LMF1: variants seen among roughly 807,000 people sequenced by gnomAD.
LMF1 encodes transmembrane protein 112.
LMF1 carries 68 observed loss-of-function variants against 60.6 expected under a neutral mutation model. The ratio of observed to expected loss-of-function variants is 1.12; its 90% CI spans 0.92 to 1.37. The LOEUF (loss-of-function observed/expected upper bound fraction) is 1.37. Among genes scored for constraint, LMF1 ranks in the 40% most tolerant of loss-of-function variants. The pLI is 0.00. For missense variants in LMF1, 948 were observed against 767.2 expected (o/e 1.24, Z -2.78); for synonymous variants, 418 against 324.7 (o/e 1.29, Z -3.09).
chr16:857,776 CGTGGTGTCTCGGG>C (rs2069250106), intron 10 of LMF1, among the ~76,000 whole-genome samples: 1 of 2,382 alleles, frequency 4.2e-4, no homozygotes, highest in Non-Finnish European at 6.4e-4. Flanking sequence ...GACGGGTGTG[CGTGGTGTCTCGGG>C]ATGGGTGTGC....
chr16:925,847 G>A (rs1363868792), intron 3 of LMF1, among the ~76,000 whole-genome samples: 1 of 152,270 alleles, frequency 6.6e-6, no homozygotes, highest in Non-Finnish European at 1.5e-5. Context: ...ATATGGCCCT[G>A]TTTGAGTAAA....
At chr16:893,996 A>ACCCCG (rs1567196869) in intron 4 of LMF1, among the ~76,000 whole-genome samples, 4 of 145,922 alleles carry the variant, frequency 2.7e-5, no homozygotes, top group African/African-American at 5.1e-5. Context: ...TGTCCACCCC[A>ACCCCG]CTGTCCACCC....
At position 970,927 on chromosome 16, in the gene LMF1, C is replaced by T. The variant is rs966617963; in HGVS notation, c.54G>A (p.Arg18=). 4.5e-6 allele frequency: 7 copies of T among 1,570,374 alleles called. No homozygotes were observed. Among genetic ancestry groups the T allele is most frequent in the East Asian group, 2.4e-5 (1 of 41,766 alleles). ...GCTCCGGATCCGAGTACCCAGTCTTCCGCCTCCTCAGCGACTCCGCGGGCG... is the reference window on the plus strand; with the variant it reads ...GCTCCGGATCCGAGTACCCAGTCTTTCGCCTCCTCAGCGACTCCGCGGGCG... ...MAAPAESLRR[R]KTGYSDPEPE... is the part of the protein sequence containing the mutation. Residue 18 remains arginine (R), a synonymous_variant, in exon 1 of 11, where the codon CGG becomes CGA. Transcript: ENST00000262301.
At chr16:861,766 C>A (rs1301869065) in intron 10 of LMF1, among the ~76,000 whole-genome samples, 1 of 152,216 alleles carries the variant, frequency 6.6e-6, no homozygotes, top group African/African-American at 2.4e-5. Flanking sequence ...GATCGACACG[C>A]CTTTTCTTTC....
intron 10 of LMF1, among the ~76,000 whole-genome samples, chr16:858,665 G>A (rs866552490): frequency 3.1e-4 from 22 of 71,928 alleles, no homozygotes; most frequent in African/African-American, 1.8e-3. Context: ...GGTGTGAGTG[G>A]TGTCACGGGA....
intron 2 of LMF1, among the ~76,000 whole-genome samples, chr16:952,366 G>T (rs1421125367): frequency 6.6e-6 from 1 of 152,052 alleles, no homozygotes; most frequent in Non-Finnish European, 1.5e-5. Flanking sequence ...AGCCTGCAGG[G>T]CCTGGGCTGT....
At chr16:956,183 C>T (rs1238460072) in intron 1 of LMF1, among the ~76,000 whole-genome samples, 1 of 143,334 alleles carries the variant, frequency 7.0e-6, no homozygotes, top group Non-Finnish European at 1.5e-5. Context: ...CCCACGACGG[C>T]TCTCTCACAT....
At chr16:877,081 C>T (rs1248382642) in intron 6 of LMF1, among the ~76,000 whole-genome samples, 2 of 151,988 alleles carry the variant, frequency 1.3e-5, no homozygotes, top group African/African-American at 2.4e-5. Flanking sequence ...CCTGCAGTCA[C>T]GGCACTTTAG....
intron 10 of LMF1, among the ~76,000 whole-genome samples, chr16:861,135 G>A (rs778758067): frequency 6.6e-6 from 1 of 152,052 alleles, no homozygotes; most frequent in South Asian, 2.1e-4. Flanking sequence ...GTGTGCTGAC[G>A]TCTTTCAGCA....
chr16:885,678 G>A (rs1039779394), intron 5 of LMF1, among the ~76,000 whole-genome samples: 1 of 152,202 alleles, frequency 6.6e-6, no homozygotes, highest in African/African-American at 2.4e-5. Context: ...GAGGTCAGAA[G>A]ACTCTCAAAC....
Position 854,248 on chromosome 16 carries a change from A to C in LMF1, c.*284T>G, listed in dbSNP as rs2069125599. Reference sequence around the variant, plus strand: ...CAACTCCTGTGGGCGGCACAGCCCCAGGCTGGGCCTCTGGGAGGAGGGTGG... The same window carrying C: ...CAACTCCTGTGGGCGGCACAGCCCCCGGCTGGGCCTCTGGGAGGAGGGTGG... On this transcript the variant is annotated 3_prime_UTR_variant, in exon 11 of 11. Transcript: ENST00000262301. 1.6e-6 allele frequency: 1 copy of C among 635,136 alleles called. No individual in the cohort carries two copies. Among genetic ancestry groups the C allele is most frequent in the Admixed American group, 2.1e-5 (1 of 47,676 alleles). The allele number at this position is 635,136 out of a possible 1,614,324, so 39.3% of individuals were successfully genotyped here. A position where few individuals can be genotyped will look rare whatever the true frequency, so the allele number is the denominator to read the frequency against.
At chr16:864,372 G>A (rs954249326) in intron 10 of LMF1, among the ~76,000 whole-genome samples, 15 of 152,142 alleles carry the variant, frequency 9.9e-5, no homozygotes, top group African/African-American at 3.4e-4. Flanking sequence ...CGAGGGATAC[G>A]CACTCGGTAG....
intron 4 of LMF1, among the ~76,000 whole-genome samples, chr16:908,192 C>A (rs2071017351): frequency 6.6e-6 from 1 of 152,244 alleles, no homozygotes; most frequent in Non-Finnish European, 1.5e-5. Context: ...GACCCACAGC[C>A]TGTGAGAATA....
At chr16:922,237 G>A (rs1353941499) in intron 3 of LMF1, among the ~76,000 whole-genome samples, 2 of 152,202 alleles carry the variant, frequency 1.3e-5, no homozygotes, top group Non-Finnish European at 2.9e-5. Context: ...GACCAGGGCA[G>A]CCTCTGGTCC....
intron 2 of LMF1, 199 bp downstream of exon 2, chr16:954,158 G>A (rs1282278183): frequency 2.9e-6 from 2 of 700,304 alleles, no homozygotes; most frequent in Non-Finnish European, 5.2e-6. Flanking sequence ...AAAGAGGTGG[G>A]GTTTTAATCC....
At position 880,010 on chromosome 16, in the gene LMF1, G is replaced by C. The variant is rs2076426; in HGVS notation, c.730-273C>G. ...GAATACACACCCCAGCTGAAGGAGA[G>C]ACGACACCTGTAAACCCCGTGCCCA... On this transcript the variant is annotated intron_variant, in intron 5 of 10. Transcript: ENST00000262301. Among the ~76,000 whole-genome samples the C allele has an allele frequency of 0.036, 5,486 of 152,324 alleles. 108 individuals are homozygous for C. The highest frequency in any genetic ancestry group is 0.081 in the East Asian group (417 of 5,178).
At chr16:906,961 G>A (rs1346837817) in intron 4 of LMF1, among the ~76,000 whole-genome samples, 1 of 152,180 alleles carries the variant, frequency 6.6e-6, no homozygotes, top group East Asian at 1.9e-4. Context: ...TTACTGAAGT[G>A]TTCCTTACTT....
upstream of LMF1, chr16:975,787 T>G (rs1268457915): frequency 6.6e-6 from 3 of 453,110 alleles, no homozygotes; most frequent in Admixed American, 7.1e-5. Flanking sequence ...GTGTTTTCAT[T>G]TGCCTTTGGC....
rs1863631220 is a variant in LMF1, at chr16:962,687, G to A, written c.194-8021C>T. Among the ~76,000 whole-genome samples the A allele has an allele frequency of 6.6e-6, 1 of 152,208 alleles. No homozygotes were observed. Among genetic ancestry groups the A allele is most frequent in the Non-Finnish European group, 1.5e-5 (1 of 68,036 alleles). The stretch of plus-strand genomic sequence containing the variant: ...TTGACACTGTCAAGGTCGGAATCCT[G>A]CACAGGAAAGTCTGGGAGACTCACA... On this transcript the variant is annotated intron_variant, in intron 1 of 10. Coordinates refer to ENST00000262301, the MANE Select transcript of LMF1 (RefSeq NM_022773.4). This position sits in a 1 kb window ranked among gnomAD's most constrained non-coding sequence, Gnocchi z 4.5.
Sources: allele counts gnomAD v4.1 joint callset (sites outside exome capture counted in the v4.1 genomes callset), GRCh38; gene constraint gnomAD v4.1.1; non-coding constraint Gnocchi (gnomAD v3.1); transcripts MANE v1.5; gene names NCBI Gene and HGNC (gene_info 2026-07-23, HGNC 2026-07-21).